The following TIMELESS variants were observed in gnomAD, a reference collection of about 807,000 sequenced individuals.
The protein encoded by TIMELESS is protein timeless homolog.
Under a neutral mutation model 164.3 loss-of-function variants are expected in TIMELESS, and 124 were observed. The observed-to-expected ratio is 0.75, with a 90% CI of 0.65 to 0.88. TIMELESS has a LOEUF of 0.88. Ranked by LOEUF, TIMELESS falls within the 40% of genes least tolerant of loss-of-function variation. TIMELESS has a pLI of 0.00. For synonymous variants in TIMELESS, 564 were observed against 563.4 expected (o/e 1.00, Z -0.02); for missense variants, 1,422 against 1,491.4 (o/e 0.95, Z 0.77).
intron 9 of TIMELESS, among the ~76,000 whole-genome samples, chr12:56,430,636 A>C (rs1244233463): frequency 6.6e-6 from 1 of 152,096 alleles, no homozygotes; most frequent in African/African-American, 2.4e-5. Flanking sequence ...CAAAGTGTTA[A>C]GATTACAGGC....
At position 56,428,715 on chromosome 12, in the gene TIMELESS, C is replaced by A. The variant is rs1002071081; in HGVS notation, c.1305-63G>T. 7.3e-6 allele frequency: 11 copies of A among 1,498,432 alleles called. No homozygotes were observed. In the African/African-American group the frequency reaches 1.2e-4, roughly 17 times the overall value. 92.8% of individuals were successfully genotyped at this position (1,498,432 alleles called of 1,614,324 possible). A position where few individuals can be genotyped will look rare whatever the true frequency, so the allele number is the denominator to read the frequency against. On this transcript the variant is annotated intron_variant, in intron 11 of 28. Transcript: ENST00000553532. The stretch of plus-strand genomic sequence containing the variant: ...TTAGGGCAATGGCCCATGGAAACAG[C>A]AACTTCCCACAGCGAAAAAAAAAAA...
intron 23 of TIMELESS, 52 bp downstream of exon 23, chr12:56,421,299 C>G (rs1881474145): frequency 4.4e-6 from 7 of 1,596,696 alleles, no homozygotes; most frequent in Non-Finnish European, 6.0e-6. Context: ...CTCCTAAGGA[C>G]CACTTCAAGG....
At chr12:56,429,902 C>T (rs933836700) in intron 10 of TIMELESS, among the ~76,000 whole-genome samples, 1 of 151,920 alleles carries the variant, frequency 6.6e-6, no homozygotes, top group Non-Finnish European at 1.5e-5. Context: ...TCCAGAGCCT[C>T]TTTTGTCATG....
chr12:56,442,764 A>T (rs1868294801), intron 1 of TIMELESS, among the ~76,000 whole-genome samples: 1 of 152,248 alleles, frequency 6.6e-6, no homozygotes, highest in South Asian at 2.1e-4. Flanking sequence ...CCCCGAATGG[A>T]GAGACCGGCT....
intron 15 of TIMELESS, 27 bp downstream of exon 15, chr12:56,424,735 A>T: frequency 6.2e-7 from 1 of 1,608,958 alleles, no homozygotes; most frequent in Non-Finnish European, 8.5e-7. Flanking sequence ...CCCAAAGCCC[A>T]AGAGGATGAG....
At chr12:56,424,702 C>T (rs1035059151) in intron 15 of TIMELESS, 60 bp downstream of exon 15, 59 of 1,579,806 alleles carry the variant, frequency 3.7e-5, no homozygotes, top group Middle Eastern at 4.2e-4. Context: ...AACACTGTAC[C>T]GCAGTGATGG....
At chr12:56,443,631 C>G (rs912414090) in intron 1 of TIMELESS, among the ~76,000 whole-genome samples, 3 of 152,150 alleles carry the variant, frequency 2.0e-5, no homozygotes, top group Non-Finnish European at 4.4e-5. Flanking sequence ...TACCCCCCTC[C>G]CCTTCTAAAA....
At chr12:56,447,695 A>G (rs1868385146) in intron 1 of TIMELESS, among the ~76,000 whole-genome samples, 6 of 152,140 alleles carry the variant, frequency 3.9e-5, no homozygotes, top group Admixed American at 3.3e-4. Flanking sequence ...GGAGCTCAGT[A>G]ACCTTTTATT....
At chr12:56,426,190 G>A (rs746232594) in intron 13 of TIMELESS, among the ~76,000 whole-genome samples, 9 of 152,124 alleles carry the variant, frequency 5.9e-5, no homozygotes, top group African/African-American at 1.9e-4. Flanking sequence ...ACATGAAAAC[G>A]TCAGCACAGT....
rs1274871806 is a variant in TIMELESS, at chr12:56,421,796, T to C, written c.2656A>G (p.Ile886Val). 1.2e-6 allele frequency: 2 copies of C among 1,614,124 alleles called. No individual in the cohort carries two copies. The highest frequency in any genetic ancestry group is 1.7e-6 in the Non-Finnish European group (2 of 1,180,014). Reference protein sequence around the residue: ...VKDFQRKGTHIVLWTGDQELE... With the variant: ...VKDFQRKGTHVVLWTGDQELE... Reference sequence around the variant, plus strand: ...TCCTGATCCCCCGTCCACAGTACAATATGGGTTCCTTTCCTGATTAGGAAG... The same window carrying C: ...TCCTGATCCCCCGTCCACAGTACAACATGGGTTCCTTTCCTGATTAGGAAG... The change falls in exon 22 of 29, where the codon ATT becomes GTT. Residue 886 changes from isoleucine to valine, a missense_variant. By Grantham distance (29) the Ile-to-Val change is conservative (BLOSUM62 3). Coordinates refer to ENST00000553532, the MANE Select transcript of TIMELESS (RefSeq NM_003920.5).
At chr12:56,442,417 T>C (rs1054976839) in intron 1 of TIMELESS, among the ~76,000 whole-genome samples, 1 of 149,694 alleles carries the variant, frequency 6.7e-6, no homozygotes, top group African/African-American at 2.6e-5. Flanking sequence ...ACCAGCTTTA[T>C]GGGAAAAACC....
rs1403555607 is a variant in TIMELESS, at chr12:56,425,078, A to G, written c.1653T>C (p.Ser551=). 6.2e-7 allele frequency: 1 copy of G among 1,614,086 alleles called. No individual in the cohort carries two copies. Among genetic ancestry groups the G allele is most frequent in the African/African-American group, 1.3e-5 (1 of 74,948 alleles). The part of the protein sequence containing the change: ...DQAIVSGNVP[S]SPEEVEAVWP... ...ACACAGCCTCCACTTCTTCTGGGCTAGATGGGACATTACCAGAAACAATGG... is the reference window on the plus strand; with the variant it reads ...ACACAGCCTCCACTTCTTCTGGGCTGGATGGGACATTACCAGAAACAATGG... Residue 551 remains serine, a synonymous_variant, in exon 14 of 29, where the codon TCT becomes TCC. Coordinates refer to ENST00000553532, the MANE Select transcript of TIMELESS (RefSeq NM_003920.5).
rs372109938 is a variant in TIMELESS at position 56,421,218 on chromosome 12, C to T, written c.2869-84G>A. ...AGTCTCCTCGTTCCTGACCACCGCA[C>T]CCCCCCGCGCCTGCTCTCTCGGAAG... On this transcript the variant is annotated intron_variant, in intron 23 of 28. Transcript: ENST00000553532. 1.1e-4 allele frequency: 180 copies of T among 1,581,048 alleles called. 1 individual carries two copies. In the East Asian group the frequency reaches 2.3e-3, roughly 20 times the overall value.
Position 56,420,868 on chromosome 12 carries a change from C to A in TIMELESS, c.3054G>T (p.Pro1018=), listed in dbSNP as rs143413940. 5.0e-5 allele frequency: 81 copies of A among 1,614,146 alleles called. No individual in the cohort carries two copies. The African/African-American group carries it at 1.0e-3, about 20-fold the overall frequency. The part of the protein sequence containing the change: ...QSLHQEGFSI[P]LLWLQNCLIR... The stretch of plus-strand genomic sequence containing the variant: ...TCAGGCAGTTCTGGAGCCATAGGAG[C>A]GGGATAGAAAAGCCTAAGGAAATGA... Residue 1018 remains proline, a synonymous_variant, in exon 25 of 29, where the codon CCG becomes CCT. Coordinates refer to ENST00000553532, the MANE Select transcript of TIMELESS (RefSeq NM_003920.5).
At position 56,433,892 on chromosome 12, in the gene TIMELESS, A is replaced by G. The variant is rs759402624; in HGVS notation, c.132T>C (p.His44=). 1 of 1,614,166 alleles carries G rather than the reference A, an allele frequency of 6.2e-7. No individual in the cohort carries two copies. The highest frequency in any genetic ancestry group is 1.7e-5 in the Admixed American group (1 of 60,016). The change falls in exon 3 of 29, where the codon CAT becomes CAC. Residue 44 remains histidine, a synonymous_variant. Transcript: ENST00000553532. ...SVKDLIRYLR[H]EDETRDVRQQ... ...GCCGCACATCTCGTGTCTCATCCTC[A>G]TGCCTCAAATAGCGGATCAGATCCT...
chr12:56,449,071 A>C (rs563631970), intron 1 of TIMELESS, among the ~76,000 whole-genome samples: 11 of 152,238 alleles, frequency 7.2e-5, no homozygotes, highest in Admixed American at 6.5e-4. Flanking sequence ...CCCGCGGGAG[A>C]CCCAAGCTGT....
chr12:56,418,140 G>C lies in TIMELESS; in HGVS notation c.3448C>G (p.Pro1150Ala). The C allele has an allele frequency of 6.2e-7, 1 of 1,614,114 alleles. No homozygotes were observed. The highest frequency in any genetic ancestry group is 8.5e-7 in the Non-Finnish European group (1 of 1,180,016). The change falls in exon 27 of 29, where the codon CCA becomes GCA. Residue 1150 changes from proline (P) to alanine (A), a missense_variant. Coordinates refer to ENST00000553532, the MANE Select transcript of TIMELESS (RefSeq NM_003920.5). Reference sequence around the variant, plus strand: ...ATGGCTGTCGCACTATTACCCTCTGGGGATGCCAGGCCCGCTTTCTTCTTG... The same window carrying C: ...ATGGCTGTCGCACTATTACCCTCTGCGGATGCCAGGCCCGCTTTCTTCTTG... ...AHKKKAGLAS[P>A]EEEDAVGKEP...
chr12:56,443,615 T>C (rs1868308474), intron 1 of TIMELESS, among the ~76,000 whole-genome samples: 2 of 152,216 alleles, frequency 1.3e-5, no homozygotes, highest in African/African-American at 4.8e-5. Context: ...ATCCACTCCC[T>C]ATTCGTACCC....
chr12:56,422,805 C>A, intron 19 of TIMELESS, 42 bp downstream of exon 19: 1 of 1,556,828 alleles, frequency 6.4e-7, no homozygotes, highest in South Asian at 1.2e-5. Context: ...CTGCATCAAA[C>A]TTCCCCTACC....
Sources: gnomAD v4.1 joint callset for allele counts (sites outside exome capture counted in the v4.1 genomes callset) on GRCh38, gnomAD v4.1.1 for gene constraint, MANE v1.5 for transcripts, NCBI Gene and HGNC (gene_info 2026-07-23, HGNC 2026-07-21) for gene names.